Variants in BMF observed in about 807,000 individuals in gnomAD.
BMF encodes bcl-2-modifying factor.
In BMF, 10 loss-of-function variants were observed where a neutral mutation model predicts 22.0. That is an observed-to-expected ratio of 0.45 (90% CI 0.28 to 0.77). The LOEUF (loss-of-function observed/expected upper bound fraction) is 0.77, where lower values mean the gene tolerates loss of function less well. Among genes scored for constraint, BMF ranks in the 30% least tolerant of loss-of-function variants. BMF has a pLI of 0.13. For missense variants in BMF, 206 were observed against 226.8 expected (o/e 0.91, Z 0.59); for synonymous variants, 87 against 88.1 (o/e 0.99, Z 0.07).
chr15:40,090,099 T>A lies in BMF; in HGVS notation c.*1688A>T, dbSNP rs2036205510. ...AAATTAGGAAAGGCACCCCTTCTTCTTGGGAGAAGTAGCCCCACACCAGGG... is the reference window on the plus strand; with the variant it reads ...AAATTAGGAAAGGCACCCCTTCTTCATGGGAGAAGTAGCCCCACACCAGGG... On this transcript the variant is annotated 3_prime_UTR_variant, in exon 5 of 5. Transcript: ENST00000354670. 1 of 152,460 alleles carries A rather than the reference T, an allele frequency of 6.6e-6. No individual in the cohort carries two copies. Among genetic ancestry groups the A allele is most frequent in the Non-Finnish European group, 1.5e-5 (1 of 68,042 alleles). The allele number at this position is 152,460 out of a possible 1,614,324, so 9.4% of individuals were successfully genotyped here. A position where few individuals can be genotyped will look rare whatever the true frequency, so the allele number is the denominator to read the frequency against.
rs200855550 is a variant in BMF at position 40,104,345 on chromosome 15, A to G, written c.293-5T>C. The stretch of plus-strand genomic sequence containing the variant: ...GAAGCCGATAGCCAGCATTGCCTGC[A>G]AAGATAGAGGATCCACATCTCAGCA... On this transcript the variant is annotated splice_polypyrimidine_tract_variant and splice_region_variant and intron_variant, in intron 3 of 4. Coordinates refer to ENST00000354670, the MANE Select transcript of BMF (RefSeq NM_001003940.2). 1.4e-5 allele frequency: 23 copies of G among 1,613,966 alleles called. No homozygotes were observed. In the East Asian group the frequency reaches 5.1e-4, roughly 36 times the overall value.
In BMF at chr15:40,104,294, G is replaced by A. The variant is rs1301231036; in HGVS notation, c.339C>T (p.Val113=). 1 of 1,614,126 alleles carries A rather than the reference G, an allele frequency of 6.2e-7. No individual in the cohort carries two copies. Among genetic ancestry groups the A allele is most frequent in the African/African-American group, 1.3e-5 (1 of 74,944 alleles). ...CGGGGGGCTGCTCCCCAATGGGCAA[G>A]ACTGCTGGGAAACTGGCAGGGAGAG... is the stretch of plus-strand genomic sequence containing the variant. ...RLPLPASFPA[V]LPIGEQPPEG... The change falls in exon 4 of 5, where the codon GTC becomes GTT. Residue 113 remains valine, a synonymous_variant. Transcript: ENST00000354670.
chr15:40,106,365 G>T lies in BMF; in HGVS notation c.-5-274C>A, dbSNP rs62019960. 8.6e-6 allele frequency: 3 copies of T among 347,150 alleles called. No homozygotes were observed. Among genetic ancestry groups the T allele is most frequent in the Non-Finnish European group, 1.6e-5 (3 of 190,556 alleles). The allele number at this position is 347,150 out of a possible 1,614,324, so 21.5% of individuals were successfully genotyped here. Reference sequence around the variant, plus strand: ...TTGATCACGTTTTCTGACCTAGGCCGGTCACAAAGTTTGACTCTGAGGGTT... The same window carrying T: ...TTGATCACGTTTTCTGACCTAGGCCTGTCACAAAGTTTGACTCTGAGGGTT... On this transcript the variant is annotated intron_variant, in intron 2 of 4. Transcript: ENST00000354670. The surrounding 1 kb of genome is among the most constrained non-coding windows in gnomAD (Gnocchi z 4.1).
intron 4 of BMF, among the ~76,000 whole-genome samples, chr15:40,100,540 C>G (rs1201687219): frequency 6.6e-6 from 1 of 152,256 alleles, no homozygotes; most frequent in Non-Finnish European, 1.5e-5. Flanking sequence ...CTGCCTCCAA[C>G]TCTCTTGCTG....
intron 4 of BMF, among the ~76,000 whole-genome samples, chr15:40,096,089 G>T (rs2036353521): frequency 6.6e-6 from 1 of 150,790 alleles, no homozygotes; most frequent in Non-Finnish European, 1.5e-5. Context: ...CAGGTCTAAA[G>T]ATGTACTTTA....
rs58924044 is a variant in BMF at position 40,108,250 on chromosome 15, A to ACACC, written c.-6+8_-6+9insGGTG. 6.6e-6 allele frequency: 1 copy of ACACC among 151,362 alleles called. No homozygotes were observed. The highest frequency in any genetic ancestry group is 1.5e-5 in the Non-Finnish European group (1 of 68,798). 9.4% of individuals were successfully genotyped at this position (151,362 alleles called of 1,614,324 possible). A position where few individuals can be genotyped will look rare whatever the true frequency, so the allele number is the denominator to read the frequency against. On this transcript the variant is annotated intron_variant, in intron 2 of 4. Coordinates refer to ENST00000354670, the MANE Select transcript of BMF (RefSeq NM_001003940.2). The stretch of plus-strand genomic sequence containing the variant: ...CACACACACACACACACACACACAC[A>ACACC]CCCCAGACCTGGGTGACTCCAGGAG...
At chr15:40,100,001 G>A (rs759973662) in intron 4 of BMF, among the ~76,000 whole-genome samples, 23 of 152,034 alleles carry the variant, frequency 1.5e-4, no homozygotes, top group Admixed American at 7.2e-4. Flanking sequence ...TTCCAAACCC[G>A]GCTTTTCTGA....
At chr15:40,097,856 C>T (rs1040870721) in intron 4 of BMF, among the ~76,000 whole-genome samples, 1 of 152,168 alleles carries the variant, frequency 6.6e-6, no homozygotes, top group South Asian at 2.1e-4. Context: ...TCCCGGCAGA[C>T]TCACGAAATC....
intron 4 of BMF, among the ~76,000 whole-genome samples, chr15:40,093,591 C>G (rs757812391): frequency 4.6e-5 from 7 of 152,218 alleles, no homozygotes; most frequent in Non-Finnish European, 8.8e-5. Context: ...CCTCCCCTCC[C>G]CAGCTGCTGA....
chr15:40,094,978 C>A (rs1222483795), intron 4 of BMF, among the ~76,000 whole-genome samples: 3 of 152,232 alleles, frequency 2.0e-5, no homozygotes, highest in Admixed American at 6.5e-5. Flanking sequence ...GGTTCTGTGG[C>A]AGCCAGGCCA....
intron 4 of BMF, among the ~76,000 whole-genome samples, chr15:40,097,335 C>A (rs1184678141): frequency 2.0e-5 from 3 of 152,200 alleles, no homozygotes; most frequent in African/African-American, 7.2e-5. Flanking sequence ...AAGCACCCAA[C>A]TGAGCTAAGA....
Position 40,088,113 on chromosome 15 carries a change from G to A in BMF, c.*3674C>T, listed in dbSNP as rs2036167271. The stretch of plus-strand genomic sequence containing the variant: ...GAACAAAATGCTACATTCTCACTGG[G>A]TCTCCTCGATAGCCCCTGTGGATCC... On this transcript the variant is annotated 3_prime_UTR_variant, in exon 5 of 5. Coordinates refer to ENST00000354670, the MANE Select transcript of BMF (RefSeq NM_001003940.2). 1 of 152,606 alleles carries A rather than the reference G, an allele frequency of 6.6e-6. No homozygotes were observed. The allele number at this position is 152,606 out of a possible 1,614,324, so 9.5% of individuals were successfully genotyped here.
chr15:40,090,698 G>A lies in BMF; in HGVS notation c.*1089C>T, dbSNP rs1416197332. ...CTCTAAAAGTCACTTAGCTGGCAAA[G>A]CCACTGTCCTGGCTTCTTCTGTATC... On this transcript the variant is annotated 3_prime_UTR_variant, in exon 5 of 5. Transcript: ENST00000354670. 6.6e-6 allele frequency: 1 copy of A among 152,250 alleles called. No individual in the cohort carries two copies. Among genetic ancestry groups the A allele is most frequent in the Admixed American group, 6.5e-5 (1 of 15,282 alleles). The allele number at this position is 152,250 out of a possible 1,614,324, so 9.4% of individuals were successfully genotyped here. A position where few individuals can be genotyped will look rare whatever the true frequency, so the allele number is the denominator to read the frequency against.
intron 4 of BMF, among the ~76,000 whole-genome samples, chr15:40,098,312 T>C (rs549229469): frequency 3.3e-5 from 5 of 152,308 alleles, no homozygotes; most frequent in African/African-American, 1.2e-4. Context: ...CCCAGACCCT[T>C]GTTTTGCACC....
intron 4 of BMF, among the ~76,000 whole-genome samples, chr15:40,100,020 A>T (rs984644433): frequency 1.3e-5 from 2 of 152,108 alleles, no homozygotes; most frequent in Admixed American, 1.3e-4. Flanking sequence ...GAATGGAGCC[A>T]CTCCTGGTCC....
intron 2 of BMF, 36 bp downstream of exon 2, chr15:40,108,223 C>T: frequency 6.8e-6 from 1 of 147,098 alleles, no homozygotes; most frequent in Non-Finnish European, 1.5e-5. Context: ...ACTAGGAACA[C>T]ACACACACAC....
intron 4 of BMF, among the ~76,000 whole-genome samples, chr15:40,098,982 C>T (rs897279925): frequency 6.6e-6 from 1 of 152,222 alleles, no homozygotes; most frequent in African/African-American, 2.4e-5. Context: ...CCCCCAGCCC[C>T]GGCGCTGGCT....
At chr15:40,094,656 C>A (rs577409781) in intron 4 of BMF, among the ~76,000 whole-genome samples, 3 of 152,306 alleles carry the variant, frequency 2.0e-5, no homozygotes, top group East Asian at 3.9e-4. Flanking sequence ...AGTCTCCAGG[C>A]CTCTCCCAGA....
At position 40,088,746 on chromosome 15, in the gene BMF, C is replaced by T. The variant is rs1397760802; in HGVS notation, c.*3041G>A. The stretch of plus-strand genomic sequence containing the variant: ...CCACATAGCTTTGGACACAGACCTA[C>T]TCCCCTGGGGGCTGAGGGAGGTCAC... On this transcript the variant is annotated 3_prime_UTR_variant, in exon 5 of 5. Transcript: ENST00000354670. 1 of 152,352 alleles carries T rather than the reference C, an allele frequency of 6.6e-6. No homozygotes were observed. Among genetic ancestry groups the T allele is most frequent in the East Asian group, 1.9e-4 (1 of 5,200 alleles). 9.4% of individuals were successfully genotyped at this position (152,352 alleles called of 1,614,324 possible).
Sources: gnomAD v4.1 joint callset for allele counts (sites outside exome capture counted in the v4.1 genomes callset) on GRCh38, gnomAD v4.1.1 for gene constraint, Gnocchi (gnomAD v3.1) non-coding constraint, MANE v1.5 for transcripts, NCBI Gene and HGNC (gene_info 2026-07-23, HGNC 2026-07-21) for gene names.